Variants in COL11A1 observed in about 807,000 individuals in gnomAD.
COL11A1 encodes the protein collagen type XI alpha 1 chain, also known as collagen alpha-1(XI) chain.
Under a neutral mutation model 265.2 loss-of-function variants are expected in COL11A1, and 74 were observed. The observed-to-expected ratio is 0.28, with a 90% CI of 0.23 to 0.34. The LOEUF (loss-of-function observed/expected upper bound fraction) is 0.34, where lower values mean the gene tolerates loss of function less well. COL11A1 is among the 10% of genes least tolerant of loss of function. The pLI, the probability that COL11A1 is intolerant of heterozygous loss-of-function variation, is 1.00. For missense variants in COL11A1, 2,165 were observed against 2,263.6 expected (o/e 0.96, Z 0.88); for synonymous variants, 816 against 727.6 (o/e 1.12, Z -1.96).
chr1:103,086,454 T>G (rs529621443), intron 1 of COL11A1, among the ~76,000 whole-genome samples: 3 of 152,346 alleles, frequency 2.0e-5, no homozygotes, highest in African/African-American at 7.2e-5. Context: ...TCTTGCTCTG[T>G]TGCCCAGGCT....
At chr1:102,886,655 T>A (rs1651017902) in intron 63 of COL11A1, 152 bp downstream of exon 63, 3 of 1,103,156 alleles carry the variant, frequency 2.7e-6, no homozygotes. Flanking sequence ...TTATGCAGTA[T>A]AAATGATTTT....
chr1:103,052,117 C>A (rs1464905112), intron 4 of COL11A1, among the ~76,000 whole-genome samples: 1 of 147,120 alleles, frequency 6.8e-6, no homozygotes, highest in Non-Finnish European at 1.5e-5. Flanking sequence ...AAATAAGACC[C>A]TTTTCTCCAT....
intron 4 of COL11A1, among the ~76,000 whole-genome samples, chr1:103,035,057 G>A (rs973277199): frequency 5.3e-5 from 8 of 152,036 alleles, no homozygotes; most frequent in African/African-American, 1.9e-4. Flanking sequence ...GACTTTCTGT[G>A]TGCCTTGGCA....
At position 102,877,963 on chromosome 1, in the gene COL11A1, G is replaced by T; in HGVS notation, c.*56C>A. On this transcript the variant is annotated 3_prime_UTR_variant, in exon 67 of 67. Coordinates refer to ENST00000370096, the MANE Select transcript of COL11A1 (RefSeq NM_001854.4). ...CAAAACTTGCATGTGGCACAAAATG[G>T]GTTGGTGGCACCAAGGTATATTTTC... 1 of 1,581,868 alleles carries T rather than the reference G, an allele frequency of 6.3e-7. No homozygotes were observed. The highest frequency in any genetic ancestry group is 8.7e-7 in the Non-Finnish European group (1 of 1,151,860).
At chr1:102,930,222 G>A (rs1309872118) in intron 46 of COL11A1, among the ~76,000 whole-genome samples, 1 of 151,672 alleles carries the variant, frequency 6.6e-6, no homozygotes, top group Non-Finnish European at 1.5e-5. Context: ...GATATTGGCT[G>A]TGGGTTTGTC....
In COL11A1 at chr1:103,062,323, A is replaced by G. The variant is rs116441346; in HGVS notation, c.651+12295T>C. ...GAAGCGAAAGGAATATTACTAACTG[A>G]TCTTATGAGGTCACATCACCCTAAT... On this transcript the variant is annotated intron_variant, in intron 4 of 66. Coordinates refer to ENST00000370096, the MANE Select transcript of COL11A1 (RefSeq NM_001854.4). Among the ~76,000 whole-genome samples the G allele has an allele frequency of 3.1e-3, 477 of 152,060 alleles. 3 individuals carry two copies. The highest frequency in any genetic ancestry group is 0.011 in the African/African-American group (458 of 41,546).
intron 57 of COL11A1, among the ~76,000 whole-genome samples, chr1:102,896,701 T>C (rs1652479170): frequency 6.6e-6 from 1 of 152,202 alleles, no homozygotes; most frequent in Admixed American, 6.5e-5. Context: ...CAAAAGTTTG[T>C]ATGCCAAATC....
intron 63 of COL11A1, among the ~76,000 whole-genome samples, chr1:102,883,635 G>A (rs770815535): frequency 1.3e-5 from 2 of 151,924 alleles, no homozygotes; most frequent in Non-Finnish European, 2.9e-5. Context: ...GTAATAAATT[G>A]CATGCATATT....
At chr1:102,974,554 T>C (rs1200401310) in intron 36 of COL11A1, among the ~76,000 whole-genome samples, 1 of 152,162 alleles carries the variant, frequency 6.6e-6, no homozygotes, top group Non-Finnish European at 1.5e-5. Flanking sequence ...ATCAATTATA[T>C]TCATTGCAGT....
At chr1:103,012,582 A>G (rs776291466) in intron 13 of COL11A1, 113 bp from the exon 14 acceptor site, 17 of 787,980 alleles carry the variant, frequency 2.2e-5, no homozygotes, top group Non-Finnish European at 3.1e-5. Flanking sequence ...CACAGATTTA[A>G]TAACTACATG....
chr1:103,083,111 G>A, intron 1 of COL11A1, 139 bp from the exon 2 acceptor site: 1 of 786,652 alleles, frequency 1.3e-6, no homozygotes, highest in Non-Finnish European at 2.0e-6. Flanking sequence ...ACATTTAGGT[G>A]GGAGTTTGGA....
intron 4 of COL11A1, among the ~76,000 whole-genome samples, chr1:103,060,626 T>C (rs1474622529): frequency 6.6e-6 from 1 of 152,148 alleles, no homozygotes; most frequent in Non-Finnish European, 1.5e-5. Flanking sequence ...TAAATCAGTA[T>C]AGTGTTATTT....
intron 29 of COL11A1, among the ~76,000 whole-genome samples, chr1:102,989,111 T>C (rs1025643850): frequency 1.2e-4 from 18 of 152,132 alleles, no homozygotes; most frequent in African/African-American, 4.1e-4. Context: ...TGAAAATTCA[T>C]GAAAGTTACA....
chr1:102,920,447 A>G, intron 48 of COL11A1, 83 bp from the exon 49 acceptor site: 5 of 1,201,294 alleles, frequency 4.2e-6, no homozygotes, highest in Non-Finnish European at 6.2e-6. Context: ...TTGTTCTCAA[A>G]AAAGAGAAAT....
intron 9 of COL11A1, among the ~76,000 whole-genome samples, chr1:103,020,876 G>A (rs1454712807): frequency 7.3e-6 from 1 of 137,242 alleles, no homozygotes; most frequent in African/African-American, 2.6e-5. Flanking sequence ...TTTTTGTCAG[G>A]TTTGTCAAAG....
rs766361433 is a variant in COL11A1, at chr1:102,877,979, G to T, written c.*40C>A. 7 of 1,608,914 alleles carry T rather than the reference G, an allele frequency of 4.4e-6. No homozygotes were observed. The East Asian group carries it at 1.6e-4, about 36-fold the overall frequency. On this transcript the variant is annotated 3_prime_UTR_variant, in exon 67 of 67. Transcript: ENST00000370096. ...CACAAAATGGGTTGGTGGCACCAAGGTATATTTTCTGTTGATTTGATATGT... is the reference window on the plus strand; with the variant it reads ...CACAAAATGGGTTGGTGGCACCAAGTTATATTTTCTGTTGATTTGATATGT...
chr1:103,037,690 TTAATC>T (rs1474030058), intron 4 of COL11A1, among the ~76,000 whole-genome samples: 1 of 152,172 alleles, frequency 6.6e-6, no homozygotes, highest in Non-Finnish European at 1.5e-5. Context: ...CTCTTAAATT[TTAATC>T]TAACAACTGG....
intron 24 of COL11A1, 110 bp downstream of exon 24, chr1:103,001,815 C>A: frequency 1.1e-6 from 1 of 912,594 alleles, no homozygotes; most frequent in Non-Finnish European, 1.8e-6. Context: ...TCCTTATGTG[C>A]TGAGCTATCT....
At chr1:103,056,741 A>G (rs1361089738) in intron 4 of COL11A1, among the ~76,000 whole-genome samples, 1 of 152,182 alleles carries the variant, frequency 6.6e-6, no homozygotes, top group Non-Finnish European at 1.5e-5. Flanking sequence ...CCAGACCACC[A>G]CAATAAAGAA....
Sources: allele counts gnomAD v4.1 joint callset (sites outside exome capture counted in the v4.1 genomes callset), GRCh38; gene constraint gnomAD v4.1.1; transcripts MANE v1.5; gene names NCBI Gene and HGNC (gene_info 2026-07-23, HGNC 2026-07-21).